The following PCDHA11 variants were observed in gnomAD, a reference collection of about 807,000 sequenced individuals.
PCDHA11 encodes protocadherin alpha-11.
In PCDHA11, 61 loss-of-function variants were observed where a neutral mutation model predicts 70.3. That is an observed-to-expected ratio of 0.87 (90% CI 0.71 to 1.07). PCDHA11 has a LOEUF of 1.07. Among genes scored for constraint, PCDHA11 ranks in the 50% least tolerant of loss-of-function variants. The pLI is 0.00. For missense variants in PCDHA11, 1,324 were observed against 1,237.5 expected (o/e 1.07, Z -1.05); for synonymous variants, 633 against 555.1 (o/e 1.14, Z -1.97).
intron 1 of PCDHA11, chr5:140,967,870 G>C (rs782622860): frequency 1.2e-6 from 2 of 1,614,152 alleles, no homozygotes; most frequent in Admixed American, 3.3e-5. Context: ...TGGTGCTCAC[G>C]GACCTGTATA....
chr5:140,909,945 A>C (rs540241627), intron 1 of PCDHA11, among the ~76,000 whole-genome samples: 3 of 152,316 alleles, frequency 2.0e-5, no homozygotes, highest in Non-Finnish European at 4.4e-5. Context: ...ACTCTGGTAA[A>C]AAGCCGTAGG....
At chr5:140,926,782 C>G in intron 1 of PCDHA11, 1 of 1,403,504 alleles carries the variant, frequency 7.1e-7, no homozygotes, top group Non-Finnish European at 9.3e-7. Context: ...GCAGTGACGG[C>G]CGGCAGGAGC....
intron 1 of PCDHA11, chr5:140,967,740 A>T (rs2096177949): frequency 6.2e-6 from 10 of 1,614,052 alleles, no homozygotes; most frequent in Non-Finnish European, 8.5e-6. Flanking sequence ...GGGCTGGATT[A>T]TGAGGAAGCC....
chr5:140,887,317 C>T lies in PCDHA11; in HGVS notation c.2391+15823C>T, dbSNP rs10066665. ...TTCATCTTGTTAGCCAGGATAGTCT[C>T]GAACTCCTGACCTCGTGATCCACCT... On this transcript the variant is annotated intron_variant, in intron 1 of 3. Transcript: ENST00000398640. Among the ~76,000 whole-genome samples the T allele has an allele frequency of 7.3e-3, 1,116 of 152,162 alleles. 15 individuals carry two copies. The highest frequency in any genetic ancestry group is 0.025 in the African/African-American group (1,043 of 41,520).
intron 3 of PCDHA11, among the ~76,000 whole-genome samples, chr5:141,007,393 TAC>T (rs2098323171): frequency 8.5e-5 from 2 of 23,408 alleles, no homozygotes; most frequent in East Asian, 1.4e-3. Flanking sequence ...TCTACTAAAA[TAC>T]AAAAAAAAAA....
intron 1 of PCDHA11, among the ~76,000 whole-genome samples, chr5:140,913,536 C>A (rs949214910): frequency 4.6e-5 from 7 of 151,882 alleles, no homozygotes; most frequent in Non-Finnish European, 8.8e-5. Context: ...AAAAGATTGA[C>A]TTTTTGTTTT....
chr5:140,907,789 G>A (rs187759241), intron 1 of PCDHA11, among the ~76,000 whole-genome samples: 1 of 152,330 alleles, frequency 6.6e-6, no homozygotes, highest in Non-Finnish European at 1.5e-5. Flanking sequence ...GCTGGGGAAA[G>A]AGGCTAAGTG....
chr5:140,971,642 A>G (rs1586490477), intron 1 of PCDHA11, among the ~76,000 whole-genome samples: 1 of 152,330 alleles, frequency 6.6e-6, no homozygotes, highest in East Asian at 1.9e-4. Flanking sequence ...ATGTGCCTAC[A>G]TTAAAAGTAG....
At chr5:140,909,624 G>A (rs2074611325) in intron 1 of PCDHA11, among the ~76,000 whole-genome samples, 1 of 152,092 alleles carries the variant, frequency 6.6e-6, no homozygotes, top group African/African-American at 2.4e-5. Context: ...GCTCTAATTG[G>A]TCTTCCTATT....
chr5:140,885,410 G>A (rs1203684049), intron 1 of PCDHA11, among the ~76,000 whole-genome samples: 3 of 152,088 alleles, frequency 2.0e-5, no homozygotes, highest in Non-Finnish European at 4.4e-5. Flanking sequence ...TTTAATAGCT[G>A]TGTAGTATTC....
Position 140,877,726 on chromosome 5 carries a change from C to G in PCDHA11, c.2391+6232C>G, listed in dbSNP as rs781814794. On this transcript the variant is annotated intron_variant, in intron 1 of 3. Coordinates refer to ENST00000398640, the MANE Select transcript of PCDHA11 (RefSeq NM_018902.5). ...CGCCGTGGGGAGTTGGTCTTACTCGCAGCAGAGGAGGCAGAGGGTGTGCTC... is the reference window on the plus strand; with the variant it reads ...CGCCGTGGGGAGTTGGTCTTACTCGGAGCAGAGGAGGCAGAGGGTGTGCTC... 30 of 1,614,056 alleles carry G rather than the reference C, an allele frequency of 1.9e-5. No homozygotes were observed. In the African/African-American group the frequency reaches 3.7e-4, roughly 20 times the overall value.
chr5:140,993,539 T>C (rs1433781690), intron 3 of PCDHA11, among the ~76,000 whole-genome samples: 7 of 128,018 alleles, frequency 5.5e-5, no homozygotes, highest in Non-Finnish European at 1.0e-4. Flanking sequence ...GAGAGAGAGA[T>C]AGAGAAGTGA....
At chr5:140,878,899 G>T (rs1301967468) in intron 1 of PCDHA11, among the ~76,000 whole-genome samples, 2 of 152,152 alleles carry the variant, frequency 1.3e-5, no homozygotes, top group Non-Finnish European at 2.9e-5. Context: ...CTACAGGCAG[G>T]CTCCACCACT....
At chr5:140,978,839 CT>C in intron 1 of PCDHA11, 109 bp from the exon 2 acceptor site, 3 of 1,556,998 alleles carry the variant, frequency 1.9e-6, no homozygotes, top group Non-Finnish European at 2.6e-6. Context: ...TCATTCAATA[CT>C]TTTTTAGATG....
At chr5:141,007,318 A>C (rs2098314985) in intron 3 of PCDHA11, among the ~76,000 whole-genome samples, 1 of 151,736 alleles carries the variant, frequency 6.6e-6, no homozygotes, top group South Asian at 2.1e-4. Flanking sequence ...TGGGAGGCTA[A>C]AGTGGACAGA....
rs1181136155 is a variant in PCDHA11, at chr5:140,966,778, G to C, written c.2392-12171G>C. Reference sequence around the variant, plus strand: ...CGCGGCCAGTGGCTATGGAGCAGGCGGGCACCAGACCTGCGGCGACAGAGC... The same window carrying C: ...CGCGGCCAGTGGCTATGGAGCAGGCCGGCACCAGACCTGCGGCGACAGAGC... On this transcript the variant is annotated intron_variant, in intron 1 of 3. Transcript: ENST00000398640. The C allele has an allele frequency of 4.0e-6, 6 of 1,512,380 alleles. No homozygotes were observed. The African/African-American group carries it at 8.3e-5, about 21-fold the overall frequency. The allele number at this position is 1,512,380 out of a possible 1,614,324, so 93.7% of individuals were successfully genotyped here. A position where few individuals can be genotyped will look rare whatever the true frequency, so the allele number is the denominator to read the frequency against.
chr5:140,977,340 G>T (rs2096757114), intron 1 of PCDHA11, among the ~76,000 whole-genome samples: 1 of 152,198 alleles, frequency 6.6e-6, no homozygotes, highest in African/African-American at 2.4e-5. Context: ...GAGAGACGGT[G>T]ATGATGACTG....
Position 140,994,560 on chromosome 5 carries a change from C to T in PCDHA11, c.2539+11997C>T, listed in dbSNP as rs140191916. Among the ~76,000 whole-genome samples, 970 of 152,032 alleles carry T rather than the reference C, an allele frequency of 6.4e-3. 14 individuals carry two copies. Among genetic ancestry groups the T allele is most frequent in the African/African-American group, 0.023 (943 of 41,474 alleles). On this transcript the variant is annotated intron_variant, in intron 3 of 3. Coordinates refer to ENST00000398640, the MANE Select transcript of PCDHA11 (RefSeq NM_018902.5). ...TCTACAAAAAAAATATAAAAATTAG[C>T]CGGGTGTGGTGGCATGCACTTGTAG...
chr5:140,971,452 T>G (rs1554233345), intron 1 of PCDHA11, among the ~76,000 whole-genome samples: 1 of 152,088 alleles, frequency 6.6e-6, no homozygotes, highest in Admixed American at 6.5e-5. Context: ...CTCCAGAAAT[T>G]TTTGCAGTTA....
Sources: allele counts gnomAD v4.1 joint callset (sites outside exome capture counted in the v4.1 genomes callset), GRCh38; gene constraint gnomAD v4.1.1; transcripts MANE v1.5; gene names NCBI Gene and HGNC (gene_info 2026-07-23, HGNC 2026-07-21).